The following KCNAB1 variants were observed in gnomAD, a reference collection of about 807,000 sequenced individuals.
KCNAB1 encodes potassium voltage-gated channel subfamily A regulatory beta subunit 1.
In KCNAB1, 35 loss-of-function variants were observed where a neutral mutation model predicts 64.6. The ratio of observed to expected loss-of-function variants is 0.54; its 90% CI spans 0.41 to 0.72. The LOEUF is 0.72. KCNAB1 is among the 30% of genes least tolerant of loss of function. KCNAB1 has a pLI of 0.00. For synonymous variants in KCNAB1, 177 were observed against 183.8 expected, an observed-to-expected ratio of 0.96 and a Z score of 0.30; for missense variants, 401 against 512.9, an observed-to-expected ratio of 0.78 and a Z score of 2.11.
intron 1 of KCNAB1, among the ~76,000 whole-genome samples, chr3:156,220,237 A>G (rs149265560): frequency 6.6e-6 from 1 of 152,324 alleles, no homozygotes; most frequent in Non-Finnish European, 1.5e-5. Flanking sequence ...ATGCACAGTA[A>G]TGGGATCACT....
At chr3:156,226,086 CA>C (rs1716141278) in intron 1 of KCNAB1, among the ~76,000 whole-genome samples, 1 of 151,966 alleles carries the variant, frequency 6.6e-6, no homozygotes, top group South Asian at 2.1e-4. Flanking sequence ...CATATGGAAC[CA>C]AAAAAGAGCC....
At chr3:156,267,410 A>G (rs1003233790) in intron 1 of KCNAB1, among the ~76,000 whole-genome samples, 4 of 152,098 alleles carry the variant, frequency 2.6e-5, no homozygotes, top group African/African-American at 4.8e-5. Flanking sequence ...CTAAAATACT[A>G]TTTGTACCCT....
intron 1 of KCNAB1, among the ~76,000 whole-genome samples, chr3:156,312,638 G>A (rs1470220747): frequency 7.6e-6 from 1 of 131,236 alleles, no homozygotes; most frequent in Admixed American, 7.2e-5. Context: ...CTTGAACCTG[G>A]GAGGTGGAGG....
At chr3:156,277,020 C>T (rs140562920) in intron 1 of KCNAB1, among the ~76,000 whole-genome samples, 2,094 of 152,150 alleles carry the variant, frequency 0.014, 40 homozygotes, top group African/African-American at 0.047. Flanking sequence ...TAATTTCTAG[C>T]TTTTGATTTG....
In KCNAB1 at chr3:156,452,187, G is replaced by A. The variant is rs1712060943; in HGVS notation, c.320-712G>A. Among the ~76,000 whole-genome samples the A allele has an allele frequency of 6.6e-6, 1 of 152,138 alleles. No individual in the cohort carries two copies. Among genetic ancestry groups the A allele is most frequent in the African/African-American group, 2.4e-5 (1 of 41,432 alleles). ...AAAGGATGGAATGAATAAATGAGGT[G>A]CCTGGAGACCAGCATAGCAAGTGCC... On this transcript the variant is annotated intron_variant, in intron 2 of 13. Transcript: ENST00000490337. The surrounding 1 kb of genome is among the most constrained non-coding windows in gnomAD (Gnocchi z 4.6).
chr3:156,532,935 G>A (rs4680281), intron 13 of KCNAB1, among the ~76,000 whole-genome samples: 85,383 of 152,100 alleles, frequency 0.56, 23,944 homozygotes, highest in East Asian at 0.62. Flanking sequence ...GGCAGTGGGA[G>A]GACTGAGATG....
At chr3:156,534,824 T>C (rs1718944929) in intron 13 of KCNAB1, among the ~76,000 whole-genome samples, 1 of 152,210 alleles carries the variant, frequency 6.6e-6, no homozygotes, top group Admixed American at 6.5e-5. Context: ...GTAAAATCTG[T>C]AGTAGTTTAC....
chr3:156,537,201 T>G lies in KCNAB1; in HGVS notation c.*454T>G. ...GAGAGATTTTTCTTAGTAAATAGAT[T>G]ATTGTTAAGTAAATAGTTATTAAAA... On this transcript the variant is annotated 3_prime_UTR_variant, in exon 14 of 14. Transcript: ENST00000490337. 7.6e-6 allele frequency: 3 copies of G among 396,234 alleles called. No individual in the cohort carries two copies. The highest frequency in any genetic ancestry group is 1.3e-5 in the Non-Finnish European group (3 of 225,346). The allele number at this position is 396,234 out of a possible 1,614,324, so 24.5% of individuals were successfully genotyped here. A position where few individuals can be genotyped will look rare whatever the true frequency, so the allele number is the denominator to read the frequency against.
chr3:156,207,829 C>G (rs1242765869), intron 1 of KCNAB1, among the ~76,000 whole-genome samples: 1 of 152,158 alleles, frequency 6.6e-6, no homozygotes. Flanking sequence ...ACAACCAGAA[C>G]TATTTCTGTT....
chr3:156,295,936 T>G (rs978311111), intron 1 of KCNAB1, among the ~76,000 whole-genome samples: 6 of 152,246 alleles, frequency 3.9e-5, no homozygotes, highest in African/African-American at 1.4e-4. Context: ...TCTACTCTGC[T>G]ATCAAACATT....
intron 8 of KCNAB1, among the ~76,000 whole-genome samples, 191 bp from the exon 9 acceptor site, chr3:156,514,173 A>G (rs1171237549): frequency 6.6e-6 from 1 of 152,240 alleles, no homozygotes; most frequent in African/African-American, 2.4e-5. Flanking sequence ...CAGTTTGCCC[A>G]AAGGTACCAT....
At chr3:156,247,750 G>C (rs1051502008) in intron 1 of KCNAB1, among the ~76,000 whole-genome samples, 2 of 152,000 alleles carry the variant, frequency 1.3e-5, no homozygotes, top group Non-Finnish European at 2.9e-5. Context: ...TTTTTTAGTA[G>C]AGACAGGGTT....
intron 1 of KCNAB1, among the ~76,000 whole-genome samples, chr3:156,127,884 GGT>G (rs10576749): frequency 0.056 from 8,217 of 147,538 alleles, 422 homozygotes; most frequent in African/African-American, 0.13. Context: ...CTTCATTTGG[GGT>G]GTGTGTGTGT....
intron 1 of KCNAB1, among the ~76,000 whole-genome samples, chr3:156,129,381 T>G (rs1713863723): frequency 6.6e-6 from 1 of 152,248 alleles, no homozygotes; most frequent in Non-Finnish European, 1.5e-5. Context: ...GCTATACAGC[T>G]TAGCTTATTA....
intron 1 of KCNAB1, among the ~76,000 whole-genome samples, chr3:156,306,752 C>T (rs1016002133): frequency 6.6e-6 from 1 of 152,182 alleles, no homozygotes; most frequent in Non-Finnish European, 1.5e-5. Context: ...GAGACTGGAT[C>T]CCCAGCTAGG....
intron 2 of KCNAB1, among the ~76,000 whole-genome samples, chr3:156,430,210 G>A (rs1418428223): frequency 2.0e-5 from 3 of 152,232 alleles, no homozygotes; most frequent in African/African-American, 4.8e-5. Context: ...AGCTTAGGTA[G>A]GAGTGTGGCA....
intron 1 of KCNAB1, among the ~76,000 whole-genome samples, chr3:156,278,509 C>G (rs922627824): frequency 6.6e-6 from 1 of 152,158 alleles, no homozygotes; most frequent in African/African-American, 2.4e-5. Context: ...GTGCTTGCAA[C>G]ATAGCGGGTG....
At chr3:156,133,068 G>A (rs140646069) in intron 1 of KCNAB1, among the ~76,000 whole-genome samples, 2 of 152,202 alleles carry the variant, frequency 1.3e-5, no homozygotes, top group Non-Finnish European at 1.5e-5. Context: ...GGTACATTTC[G>A]TAGCTTAGTC....
intron 1 of KCNAB1, among the ~76,000 whole-genome samples, chr3:156,159,484 C>T (rs935831712): frequency 7.2e-5 from 11 of 152,216 alleles, no homozygotes; most frequent in African/African-American, 1.7e-4. Flanking sequence ...ATTTATAAGG[C>T]GGTTAGCCTC....
Sources: allele counts gnomAD v4.1 joint callset (sites outside exome capture counted in the v4.1 genomes callset), GRCh38; gene constraint gnomAD v4.1.1; non-coding constraint Gnocchi (gnomAD v3.1); transcripts MANE v1.5; gene names NCBI Gene and HGNC (gene_info 2026-07-23, HGNC 2026-07-21).